DCX: variants seen among roughly 807,000 people sequenced by gnomAD.
DCX encodes the protein neuronal migration protein doublecortin.
A neutral mutation model predicts 20.9 loss-of-function variants in DCX; 4 were observed. The ratio of observed to expected loss-of-function variants is 0.19; its 90% CI spans 0.09 to 0.44. The LOEUF (loss-of-function observed/expected upper bound fraction) is 0.44, where lower values mean the gene tolerates loss of function less well. Among genes scored for constraint, DCX ranks in the 20% least tolerant of loss-of-function variants. The pLI is 0.99. For synonymous variants in DCX, 103 were observed against 111.4 expected, an observed-to-expected ratio of 0.92 and a Z score of 0.47; for missense variants, 133 against 296.9, an observed-to-expected ratio of 0.45 and a Z score of 4.06.
At chrX:111,357,303 G>A (rs1923811417) in intron 3 of DCX, among the ~76,000 whole-genome samples, 1 of 111,617 alleles carries the variant, frequency 9.0e-6, no homozygotes, top group Non-Finnish European at 1.9e-5. Context: ...TTTCTCTCAG[G>A]ATCACACTGT....
rs1221722922 is a variant in DCX at position 111,295,423 on chromosome X, A to G, written c.*6264T>C. Reference sequence around the variant, plus strand: ...TTTTATAGTATAGATTTGTTAAATTATCTTTTCATTTAAATCAACTCCGAT... The same window carrying G: ...TTTTATAGTATAGATTTGTTAAATTGTCTTTTCATTTAAATCAACTCCGAT... On this transcript the variant is annotated 3_prime_UTR_variant, in exon 7 of 7. Transcript: ENST00000636035. 8.9e-6 allele frequency: 1 copy of G among 112,291 alleles called. No homozygotes were observed. Among genetic ancestry groups the G allele is most frequent in the Non-Finnish European group, 1.9e-5 (1 of 53,254 alleles). The allele number at this position is 112,291 out of a possible 1,213,427, so 9.3% of individuals were successfully genotyped here.
chrX:111,302,512 T>C (rs2095036270), intron 6 of DCX, among the ~76,000 whole-genome samples: 1 of 112,353 alleles, frequency 8.9e-6, no homozygotes, highest in Admixed American at 9.4e-5. Flanking sequence ...TTTTCAGTTT[T>C]GTAAGGAATG....
intron 3 of DCX, among the ~76,000 whole-genome samples, chrX:111,381,584 C>T (rs1301855455): frequency 9.0e-6 from 1 of 110,819 alleles, no homozygotes; most frequent in Non-Finnish European, 1.9e-5. Flanking sequence ...TACTCAGAAC[C>T]TATTTCAAAG....
rs187561887 is a variant in DCX, at chrX:111,324,627, A to G, written c.946+6277T>C. Among the ~76,000 whole-genome samples the G allele has an allele frequency of 3.6e-5, 4 of 112,097 alleles. No homozygotes were observed. The East Asian group carries it at 1.1e-3, about 31-fold the overall frequency. On this transcript the variant is annotated intron_variant, in intron 5 of 6. Coordinates refer to ENST00000636035, the MANE Select transcript of DCX (RefSeq NM_001195553.2). ...AGTAATTGCCTCACAAGGTTGTTGT[A>G]AAGATTAAATTCGTTAATACAAGTA... is the stretch of plus-strand genomic sequence containing the variant.
At chrX:111,410,972 C>A (rs1398254121) in intron 1 of DCX, 1 of 1,198,086 alleles carries the variant, frequency 8.3e-7, no homozygotes, top group Non-Finnish European at 1.1e-6. Flanking sequence ...GGAGTGTTTT[C>A]ATTTTATTCC....
rs953700266 is a variant in DCX, at chrX:111,355,187, AT to A, written c.706-22035del. On this transcript the variant is annotated intron_variant, in intron 3 of 6. Transcript: ENST00000636035. ...GTTCTTAATCTTGTTAAAGAAAAAG[AT>A]TTTTTTTTAAATTGAACCCCTGTTT... is the stretch of plus-strand genomic sequence containing the variant. Among the ~76,000 whole-genome samples the A allele has an allele frequency of 1.4e-4, 16 of 111,559 alleles. No individual in the cohort carries two copies. In the East Asian group the frequency reaches 3.9e-3, roughly 28 times the overall value.
intron 4 of DCX, among the ~76,000 whole-genome samples, chrX:111,332,642 ATCTC>A (rs1251171737): frequency 3.6e-5 from 4 of 111,836 alleles, no homozygotes. Context: ...CTGTGGAAAA[ATCTC>A]TCTAAATTGG....
intron 2 of DCX, among the ~76,000 whole-genome samples, chrX:111,402,782 GGTGTGTGTGTGTGTGT>G (rs200058275): frequency 0.045 from 4,397 of 96,791 alleles, 119 homozygotes; most frequent in Middle Eastern, 0.074. Flanking sequence ...GTGTGTGCGT[GGTGTGTGTGTGTGTGT>G]GTGTGTGTGT....
chrX:111,307,589 A>G (rs1367323809), intron 6 of DCX, among the ~76,000 whole-genome samples: 1 of 111,673 alleles, frequency 9.0e-6, no homozygotes, highest in Non-Finnish European at 1.9e-5. Context: ...CTTAAAATTG[A>G]GGAAGATCTT....
intron 5 of DCX, 105 bp from the exon 6 acceptor site, chrX:111,312,841 C>G: frequency 1.3e-6 from 1 of 775,525 alleles, no homozygotes; most frequent in East Asian, 3.3e-5. Context: ...ACAAGGTACA[C>G]AGACAACCAA....
intron 3 of DCX, among the ~76,000 whole-genome samples, chrX:111,346,058 C>A (rs753931027): frequency 4.6e-5 from 5 of 109,712 alleles, no homozygotes; most frequent in African/African-American, 1.7e-4. Context: ...GAAGTCTGTT[C>A]ATATCCCTTG....
chrX:111,332,162 T>C (rs1921310023), intron 4 of DCX, among the ~76,000 whole-genome samples: 1 of 112,590 alleles, frequency 8.9e-6, no homozygotes, highest in Non-Finnish European at 1.9e-5. Flanking sequence ...CTTTTGTTTG[T>C]TTCACTTCTT....
rs137923601 is a variant in DCX at position 111,350,970 on chromosome X, A to C, written c.706-17817T>G. 8.1e-3 allele frequency among the ~76,000 whole-genome samples: 907 copies of C among 111,991 alleles called. 3 individuals are homozygous for C. Among genetic ancestry groups the C allele is most frequent in the Non-Finnish European group, 0.012 (651 of 53,178 alleles). ...GGTTTCCCCCTTATAAAACCATCAGATCTTGTGAGACTTATTCACTACCAT... is the reference window on the plus strand; with the variant it reads ...GGTTTCCCCCTTATAAAACCATCAGCTCTTGTGAGACTTATTCACTACCAT... On this transcript the variant is annotated intron_variant, in intron 3 of 6. Transcript: ENST00000636035.
At position 111,300,469 on chromosome X, in the gene DCX, CATTG is replaced by C. The variant is rs1182538985; in HGVS notation, c.*1214_*1217del. 2.7e-5 allele frequency: 3 copies of C among 112,589 alleles called. No individual in the cohort carries two copies. The highest frequency in any genetic ancestry group is 9.7e-5 in the African/African-American group (3 of 31,000). The allele number at this position is 112,589 out of a possible 1,213,427, so 9.3% of individuals were successfully genotyped here. A position where few individuals can be genotyped will look rare whatever the true frequency, so the allele number is the denominator to read the frequency against. ...AAATATAATTAGAATGTCTGGTCCA[CATTG>C]AAATTATTAATGCAAGCATAACTGT... On this transcript the variant is annotated 3_prime_UTR_variant, in exon 7 of 7. Transcript: ENST00000636035.
intron 3 of DCX, among the ~76,000 whole-genome samples, chrX:111,334,704 C>A (rs150160480): frequency 0.017 from 1,911 of 112,086 alleles, 46 homozygotes; most frequent in African/African-American, 0.059. Flanking sequence ...CTTGGCAATA[C>A]AAAGCACTTA....
At chrX:111,388,126 A>T (rs947706516) in intron 3 of DCX, among the ~76,000 whole-genome samples, 8 of 112,032 alleles carry the variant, frequency 7.1e-5, no homozygotes, top group Non-Finnish European at 1.1e-4. Flanking sequence ...GAGAAGCCAG[A>T]CTTTAATGCC....
Position 111,295,921 on chromosome X carries a change from G to C in DCX, c.*5766C>G, listed in dbSNP as rs747313982. ...GATTCCCACCAACATACTTCTGATTGGACTGGGGTAGGACCAGGGCTGATT... is the reference window on the plus strand; with the variant it reads ...GATTCCCACCAACATACTTCTGATTCGACTGGGGTAGGACCAGGGCTGATT... On this transcript the variant is annotated 3_prime_UTR_variant, in exon 7 of 7. Coordinates refer to ENST00000636035, the MANE Select transcript of DCX (RefSeq NM_001195553.2). 2.7e-5 allele frequency: 3 copies of C among 111,931 alleles called. No homozygotes were observed. Among genetic ancestry groups the C allele is most frequent in the Non-Finnish European group, 5.6e-5 (3 of 53,268 alleles). 9.2% of individuals were successfully genotyped at this position (111,931 alleles called of 1,213,427 possible). A position where few individuals can be genotyped will look rare whatever the true frequency, so the allele number is the denominator to read the frequency against.
At chrX:111,385,677 A>C (rs1246971804) in intron 3 of DCX, among the ~76,000 whole-genome samples, 2 of 107,185 alleles carry the variant, frequency 1.9e-5, no homozygotes, top group Non-Finnish European at 3.9e-5. Context: ...AAGAAAAAGA[A>C]AGAAAGAGAA....
intron 6 of DCX, among the ~76,000 whole-genome samples, chrX:111,303,082 G>A (rs1202492548): frequency 9.2e-6 from 1 of 109,176 alleles, no homozygotes; most frequent in African/African-American, 3.4e-5. Context: ...ATGAGGTCTA[G>A]GTTAAGAAAC....
Sources: allele counts gnomAD v4.1 joint callset (sites outside exome capture counted in the v4.1 genomes callset), GRCh38; gene constraint gnomAD v4.1.1; transcripts MANE v1.5; gene names NCBI Gene and HGNC (gene_info 2026-07-23, HGNC 2026-07-21).